Variants in TEAD1 observed in about 807,000 individuals in gnomAD.
TEAD1 encodes TEA domain transcription factor 1.
TEAD1 carries 9 observed loss-of-function variants against 54.9 expected under a neutral mutation model. The observed-to-expected ratio is 0.16, with a 90% CI of 0.10 to 0.29. The LOEUF (loss-of-function observed/expected upper bound fraction) is 0.29. Ranked by LOEUF, TEAD1 falls within the 10% of genes least tolerant of loss-of-function variation. The probability of loss-of-function intolerance (pLI) is 1.00; values close to 1 mark genes in which losing one functional copy is unlikely to be tolerated. For synonymous variants in TEAD1, 200 were observed against 187.8 expected, an observed-to-expected ratio of 1.07 and a Z score of -0.53; for missense variants, 387 against 535.9, an observed-to-expected ratio of 0.72 and a Z score of 2.74.
chr11:12,922,949 A>AAAAT (rs1948837557), intron 10 of TEAD1: 13 of 142,564 alleles, frequency 9.1e-5, no homozygotes, highest in Admixed American at 1.4e-4. Flanking sequence ...AAAAAAAAAA[A>AAAAT]GTGCCAAACC....
chr11:12,876,681 T>G lies in TEAD1; in HGVS notation c.331-3027T>G, dbSNP rs559140224. ...TGAGGAAGGCACCTGTGGTCATACC[T>G]GAGCCATTACCTCAGTTTCAGAAAT... On this transcript the variant is annotated intron_variant, in intron 5 of 12. Coordinates refer to ENST00000527636, the MANE Select transcript of TEAD1 (RefSeq NM_021961.6). Among the ~76,000 whole-genome samples, 20 of 152,348 alleles carry G rather than the reference T, an allele frequency of 1.3e-4. No individual in the cohort carries two copies. The East Asian group carries it at 3.7e-3, about 28-fold the overall frequency.
chr11:12,781,986 AAAAG>A (rs1378721947), intron 3 of TEAD1, among the ~76,000 whole-genome samples: 27 of 134,028 alleles, frequency 2.0e-4, no homozygotes, highest in Admixed American at 1.6e-3. Context: ...GAAAAAAAGA[AAAAG>A]AAAAAAAAAA....
At chr11:12,930,360 T>C in intron 12 of TEAD1, 34 bp downstream of exon 12, 2 of 1,613,472 alleles carry the variant, frequency 1.2e-6, no homozygotes, top group East Asian at 4.5e-5. Flanking sequence ...TGTGGGCAGA[T>C]GCTGCCATGA....
chr11:12,702,720 TC>T (rs1943729365), intron 2 of TEAD1, among the ~76,000 whole-genome samples: 1 of 151,938 alleles, frequency 6.6e-6, no homozygotes, highest in African/African-American at 2.4e-5. Flanking sequence ...CGTCCTTCTC[TC>T]GCCCGGATTA....
At chr11:12,913,904 T>C (rs1866709) in intron 10 of TEAD1, among the ~76,000 whole-genome samples, 111,973 of 152,074 alleles carry the variant, frequency 0.74, 41,455 homozygotes, top group East Asian at 0.83. Flanking sequence ...AGGTCCTGTT[T>C]CCTGGGAAAG....
intron 2 of TEAD1, among the ~76,000 whole-genome samples, chr11:12,728,289 G>T (rs548924989): frequency 6.6e-6 from 1 of 152,320 alleles, no homozygotes; most frequent in East Asian, 1.9e-4. Flanking sequence ...ATCTGAGTTT[G>T]CATAGGATCC....
chr11:12,929,163 C>CGTGT (rs60060462), intron 11 of TEAD1, among the ~76,000 whole-genome samples: 19,134 of 106,498 alleles, frequency 0.18, 1,578 homozygotes, highest in Middle Eastern at 0.27. Flanking sequence ...TTTGCTTTGC[C>CGTGT]GTGTGTGTGT....
At chr11:12,780,464 G>A (rs1474474281) in intron 3 of TEAD1, among the ~76,000 whole-genome samples, 1 of 151,890 alleles carries the variant, frequency 6.6e-6, no homozygotes, top group African/African-American at 2.4e-5. Flanking sequence ...GGCTGGTCTC[G>A]AACTCCTGAC....
At chr11:12,682,959 T>C (rs956661181) in intron 2 of TEAD1, among the ~76,000 whole-genome samples, 5 of 152,088 alleles carry the variant, frequency 3.3e-5, no homozygotes, top group African/African-American at 1.2e-4. Flanking sequence ...TAATGACCCT[T>C]GATGTTGCAT....
intron 5 of TEAD1, among the ~76,000 whole-genome samples, chr11:12,874,023 A>G (rs939538236): frequency 6.6e-6 from 1 of 150,604 alleles, no homozygotes; most frequent in East Asian, 2.0e-4. Context: ...TTTTGACTTT[A>G]CTATTTTTTC....
intron 5 of TEAD1, among the ~76,000 whole-genome samples, chr11:12,871,461 A>T (rs1320659815): frequency 1.3e-5 from 2 of 152,206 alleles, no homozygotes; most frequent in African/African-American, 4.8e-5. Flanking sequence ...AGCATGTAGA[A>T]AGAATGCAGA....
intron 5 of TEAD1, among the ~76,000 whole-genome samples, chr11:12,867,736 G>C (rs546004784): frequency 5.3e-5 from 8 of 152,228 alleles, no homozygotes; most frequent in African/African-American, 1.7e-4. Context: ...TGATAGCCAT[G>C]GTCTTCTTGG....
chr11:12,883,956 C>T (rs544445630), intron 9 of TEAD1, among the ~76,000 whole-genome samples: 21 of 149,588 alleles, frequency 1.4e-4, no homozygotes, highest in Admixed American at 1.1e-3. Flanking sequence ...GATCGCGCCA[C>T]TGCACTCCAG....
intron 3 of TEAD1, among the ~76,000 whole-genome samples, chr11:12,802,280 TG>T (rs1223795157): frequency 6.6e-6 from 1 of 152,152 alleles, no homozygotes; most frequent in African/African-American, 2.4e-5. Flanking sequence ...TTAACTTTTT[TG>T]TTATTACTTT....
chr11:12,736,749 T>G (rs1192928307), intron 2 of TEAD1, among the ~76,000 whole-genome samples: 1 of 152,222 alleles, frequency 6.6e-6, no homozygotes, highest in Admixed American at 6.5e-5. Flanking sequence ...AGCAGAAATT[T>G]AAAAAGCAGA....
chr11:12,760,661 A>G (rs1215691898), intron 2 of TEAD1, among the ~76,000 whole-genome samples: 6 of 152,200 alleles, frequency 3.9e-5, no homozygotes, highest in Non-Finnish European at 8.8e-5. Context: ...GCTTGTTGCT[A>G]TAGATTCAGA....
intron 3 of TEAD1, among the ~76,000 whole-genome samples, chr11:12,820,829 A>G (rs911676522): frequency 1.3e-5 from 2 of 152,210 alleles, no homozygotes; most frequent in Non-Finnish European, 2.9e-5. Context: ...ATTAACTTAA[A>G]TAAATCAAAG....
chr11:12,872,061 C>T (rs958730944), intron 5 of TEAD1, among the ~76,000 whole-genome samples: 1 of 152,302 alleles, frequency 6.6e-6, no homozygotes, highest in East Asian at 1.9e-4. Flanking sequence ...CCATTCTTTC[C>T]AAACTGCTGT....
chr11:12,717,480 T>G (rs539303228), intron 2 of TEAD1, among the ~76,000 whole-genome samples: 1 of 152,330 alleles, frequency 6.6e-6, no homozygotes, highest in East Asian at 1.9e-4. Flanking sequence ...GAATCAAGTT[T>G]GCATGTGTGC....
Sources: allele counts gnomAD v4.1 joint callset (sites outside exome capture counted in the v4.1 genomes callset), GRCh38; gene constraint gnomAD v4.1.1; transcripts MANE v1.5; gene names NCBI Gene and HGNC (gene_info 2026-07-23, HGNC 2026-07-21).